TMEM170B: variants seen among roughly 807,000 people sequenced by gnomAD.
TMEM170B encodes the protein transmembrane protein 170B.
A neutral mutation model predicts 13.0 loss-of-function variants in TMEM170B; 6 were observed. That is an observed-to-expected ratio of 0.46 (90% CI 0.25 to 0.91). The LOEUF is 0.91. Ranked by LOEUF, TMEM170B falls within the 40% of genes least tolerant of loss-of-function variation. The pLI, the probability that TMEM170B is intolerant of heterozygous loss-of-function variation, is 0.17. For missense variants in TMEM170B, 138 were observed against 165.2 expected (o/e 0.84, Z 0.90); for synonymous variants, 61 against 64.9 (o/e 0.94, Z 0.29).
chr6:11,580,697 C>T lies in TMEM170B; in HGVS notation c.*5136C>T, dbSNP rs1044985206. Reference sequence around the variant, plus strand: ...TATAACATCTTGGAAGAAGACTCTTCAGGATAAAAAGGATATTATTTGATT... The same window carrying T: ...TATAACATCTTGGAAGAAGACTCTTTAGGATAAAAAGGATATTATTTGATT... On this transcript the variant is annotated 3_prime_UTR_variant, in exon 3 of 3. Transcript: ENST00000379426. 2.6e-5 allele frequency: 4 copies of T among 152,156 alleles called. No individual in the cohort carries two copies. The highest frequency in any genetic ancestry group is 7.2e-5 in the African/African-American group (3 of 41,434). 9.4% of individuals were successfully genotyped at this position (152,156 alleles called of 1,614,324 possible).
chr6:11,540,702 A>G (rs1041649758), intron 1 of TMEM170B, among the ~76,000 whole-genome samples: 1 of 152,188 alleles, frequency 6.6e-6, no homozygotes, highest in Non-Finnish European at 1.5e-5. Flanking sequence ...GGGCATCTGG[A>G]ATGGTGACTC....
At chr6:11,543,373 T>G (rs1040755742) in intron 1 of TMEM170B, among the ~76,000 whole-genome samples, 11 of 152,212 alleles carry the variant, frequency 7.2e-5, no homozygotes, top group Non-Finnish European at 1.3e-4. Flanking sequence ...GAATGAAGTG[T>G]TTAAGCAACT....
At chr6:11,563,287 G>A (rs189890720) in intron 1 of TMEM170B, among the ~76,000 whole-genome samples, 2 of 152,170 alleles carry the variant, frequency 1.3e-5, no homozygotes, top group Admixed American at 1.3e-4. Flanking sequence ...AGTGAGCTGA[G>A]GTTACTCCAC....
chr6:11,561,310 TGGATGAG>T (rs1278911694), intron 1 of TMEM170B, among the ~76,000 whole-genome samples: 1 of 152,186 alleles, frequency 6.6e-6, no homozygotes, highest in African/African-American at 2.4e-5. Flanking sequence ...GCTAGAAGCT[TGGATGAG>T]GTGGGGTATG....
intron 2 of TMEM170B, among the ~76,000 whole-genome samples, chr6:11,574,289 A>T (rs182377026): frequency 1.2e-4 from 18 of 152,288 alleles, no homozygotes; most frequent in Admixed American, 1.2e-3. Context: ...ATTTTAAAAC[A>T]TGTATATGAA....
rs1759860623 is a variant in TMEM170B at position 11,575,376 on chromosome 6, G to T, written c.269-55G>T. 1.9e-6 allele frequency: 3 copies of T among 1,604,862 alleles called. No individual in the cohort carries two copies. The highest frequency in any genetic ancestry group is 2.6e-6 in the Non-Finnish European group (3 of 1,172,954). ...AAGAGCTCTTAAGGTGCAGCATGCA[G>T]TGTGTTATAAAACGAGTGACTGTAT... On this transcript the variant is annotated intron_variant, in intron 2 of 2. Transcript: ENST00000379426. The surrounding 1 kb of genome is among the most constrained non-coding windows in gnomAD (Gnocchi z 4.1).
intron 1 of TMEM170B, among the ~76,000 whole-genome samples, chr6:11,563,079 G>A (rs1464997881): frequency 6.6e-6 from 1 of 152,216 alleles, no homozygotes; most frequent in African/African-American, 2.4e-5. Flanking sequence ...GCTCACGCCT[G>A]TAATCCTAGC....
At chr6:11,564,713 T>G (rs1759713067) in intron 1 of TMEM170B, among the ~76,000 whole-genome samples, 1 of 152,250 alleles carries the variant, frequency 6.6e-6, no homozygotes, top group Admixed American at 6.5e-5. Flanking sequence ...CTCTTGTCTT[T>G]GATGGATCTT....
chr6:11,569,701 A>G (rs555785732), intron 2 of TMEM170B, among the ~76,000 whole-genome samples: 3 of 152,228 alleles, frequency 2.0e-5, no homozygotes, highest in East Asian at 1.9e-4. Context: ...TAGGTATTAG[A>G]TAGGATTCTA....
Position 11,553,820 on chromosome 6 carries a change from C to G in TMEM170B, c.98-11846C>G, listed in dbSNP as rs560953044. Among the ~76,000 whole-genome samples, 6 of 152,168 alleles carry G rather than the reference C, an allele frequency of 3.9e-5. No individual in the cohort carries two copies. In the South Asian group the frequency reaches 1.2e-3, roughly 32 times the overall value. On this transcript the variant is annotated intron_variant, in intron 1 of 2. Coordinates refer to ENST00000379426, the MANE Select transcript of TMEM170B (RefSeq NM_001100829.3). ...TTATTTGTAGAGTAAGGTTTAGAAC[C>G]AAGAAAATCTTTGCTCTCTGCACAC... is the stretch of plus-strand genomic sequence containing the variant.
At chr6:11,555,339 C>T (rs74290142) in intron 1 of TMEM170B, among the ~76,000 whole-genome samples, 8,781 of 152,064 alleles carry the variant, frequency 0.058, 274 homozygotes, top group East Asian at 0.16. Flanking sequence ...TTGGTTTTCA[C>T]GCATTTCACT....
chr6:11,564,792 C>T (rs1278673610), intron 1 of TMEM170B, among the ~76,000 whole-genome samples: 1 of 152,178 alleles, frequency 6.6e-6, no homozygotes, highest in Non-Finnish European at 1.5e-5. Context: ...AGCCTTTCTG[C>T]TTCAGCTACC....
intron 1 of TMEM170B, among the ~76,000 whole-genome samples, chr6:11,558,381 C>G (rs1759617148): frequency 6.6e-6 from 1 of 152,090 alleles, no homozygotes; most frequent in East Asian, 1.9e-4. Context: ...TTCATATTCT[C>G]TATTATATAC....
intron 2 of TMEM170B, among the ~76,000 whole-genome samples, chr6:11,568,196 C>CTT (rs1424048520): frequency 6.6e-6 from 1 of 152,106 alleles, no homozygotes; most frequent in Non-Finnish European, 1.5e-5. Context: ...GTAATCTAAA[C>CTT]TTGAGGCCAG....
Position 11,575,857 on chromosome 6 carries a change from A to C in TMEM170B, c.*296A>C, listed in dbSNP as rs978282787. ...TCAGGTTAACATTGGTGTTGAAATC[A>C]TCGTTCCTAACAGTGTTATGTTAAG... is the stretch of plus-strand genomic sequence containing the variant. On this transcript the variant is annotated 3_prime_UTR_variant, in exon 3 of 3. Coordinates refer to ENST00000379426, the MANE Select transcript of TMEM170B (RefSeq NM_001100829.3). This position sits in a 1 kb window ranked among gnomAD's most constrained non-coding sequence, Gnocchi z 4.1. The C allele has an allele frequency of 4.4e-6, 1 of 226,992 alleles. No homozygotes were observed. Among genetic ancestry groups the C allele is most frequent in the Non-Finnish European group, 8.7e-6 (1 of 114,348 alleles). The allele number at this position is 226,992 out of a possible 1,614,324, so 14.1% of individuals were successfully genotyped here. A position where few individuals can be genotyped will look rare whatever the true frequency, so the allele number is the denominator to read the frequency against.
chr6:11,574,026 C>T (rs1241170798), intron 2 of TMEM170B, among the ~76,000 whole-genome samples: 2 of 152,070 alleles, frequency 1.3e-5, no homozygotes, highest in Non-Finnish European at 2.9e-5. Flanking sequence ...CTCATTTTCA[C>T]TTAGTATAAA....
chr6:11,566,781 A>G (rs1028997825), intron 2 of TMEM170B, among the ~76,000 whole-genome samples: 1 of 152,180 alleles, frequency 6.6e-6, no homozygotes, highest in Non-Finnish European at 1.5e-5. Context: ...AGGGTGAGCC[A>G]CCCGCATGCG....
chr6:11,562,034 T>C (rs1450729451), intron 1 of TMEM170B, among the ~76,000 whole-genome samples: 3 of 152,178 alleles, frequency 2.0e-5, no homozygotes, highest in Non-Finnish European at 4.4e-5. Flanking sequence ...AATTGTATTA[T>C]AAGAACTTTT....
chr6:11,566,276 T>C (rs892352635), intron 2 of TMEM170B, among the ~76,000 whole-genome samples: 1 of 152,222 alleles, frequency 6.6e-6, no homozygotes, highest in Non-Finnish European at 1.5e-5. Context: ...TTTCTTCTTA[T>C]ATACACATTA....
Sources: gnomAD v4.1 joint callset for allele counts (sites outside exome capture counted in the v4.1 genomes callset) on GRCh38, gnomAD v4.1.1 for gene constraint, Gnocchi (gnomAD v3.1) non-coding constraint, MANE v1.5 for transcripts, NCBI Gene and HGNC (gene_info 2026-07-23, HGNC 2026-07-21) for gene names.